The following SPTBN5 variants were observed in gnomAD, a reference collection of about 807,000 sequenced individuals.
The protein encoded by SPTBN5 is spectrin beta chain, non-erythrocytic 5.
A neutral mutation model predicts 477.6 loss-of-function variants in SPTBN5; 513 were observed. The ratio of observed to expected loss-of-function variants is 1.07; its 90% CI spans 1.00 to 1.16. The LOEUF (loss-of-function observed/expected upper bound fraction) is 1.16, where lower values mean the gene tolerates loss of function less well. Ranked by LOEUF, SPTBN5 falls within the 50% of genes most tolerant of loss-of-function variation. The pLI, the probability that SPTBN5 is intolerant of heterozygous loss-of-function variation, is 0.00. For synonymous variants in SPTBN5, 2,169 were observed against 2,011.7 expected, an observed-to-expected ratio of 1.08 and a Z score of -2.09; for missense variants, 5,062 against 4,731.8, an observed-to-expected ratio of 1.07 and a Z score of -2.05.
chr15:41,883,460 T>C lies in SPTBN5; in HGVS notation c.1547A>G (p.Gln516Arg), dbSNP rs1380909922. Residue 516 changes from glutamine (Q) to arginine (R), a missense_variant, in exon 8 of 68, where the codon CAG becomes CGG. Physicochemically the swap from Gln to Arg is conservative, Grantham distance 43. Coordinates refer to ENST00000320955, the MANE Select transcript of SPTBN5 (RefSeq NM_016642.4). ...RRQEEVTVRW[Q>R]RLLQHLQGQR... The stretch of plus-strand genomic sequence containing the variant: ...TCCCTGTAGATGCTGAAGGAGCCTC[T>C]GCCAGCGCACGGTAACTTCCTCCTG... The C allele has an allele frequency of 6.2e-7, 1 of 1,613,930 alleles. No individual in the cohort carries two copies. Among genetic ancestry groups the C allele is most frequent in the African/African-American group, 1.3e-5 (1 of 75,072 alleles).
chr15:41,884,327 C>G (rs928083537), intron 7 of SPTBN5, among the ~76,000 whole-genome samples: 34 of 152,018 alleles, frequency 2.2e-4, no homozygotes, highest in African/African-American at 7.7e-4. Flanking sequence ...ACCATGTTGG[C>G]CAGGATGGTC....
Position 41,856,620 on chromosome 15 carries a change from G to A in SPTBN5, c.8809-22C>T, listed in dbSNP as rs182590537. ...GGTTCTGCGGGGGAGGAGGCAGGAGGATGCGGATGTTGCTGACCCTTGGGG... is the reference window on the plus strand; with the variant it reads ...GGTTCTGCGGGGGAGGAGGCAGGAGAATGCGGATGTTGCTGACCCTTGGGG... On this transcript the variant is annotated intron_variant, in intron 52 of 67. Transcript: ENST00000320955. 9.7e-6 allele frequency: 15 copies of A among 1,552,256 alleles called. No individual in the cohort carries two copies. The African/African-American group carries it at 1.5e-4, about 15-fold the overall frequency.
intron 7 of SPTBN5, among the ~76,000 whole-genome samples, chr15:41,885,444 A>C (rs924765841): frequency 1.3e-5 from 2 of 152,198 alleles, no homozygotes; most frequent in African/African-American, 4.8e-5. Flanking sequence ...TTCTCTACTA[A>C]ATCTCCAGCA....
chr15:41,864,612 C>A (rs1350071008), intron 39 of SPTBN5, among the ~76,000 whole-genome samples: 5 of 152,328 alleles, frequency 3.3e-5, no homozygotes, highest in South Asian at 2.1e-4. Flanking sequence ...CTGTGCCCAG[C>A]CACAGAAACT....
intron 65 of SPTBN5, 48 bp from the exon 66 acceptor site, chr15:41,850,987 C>T (rs777620843): frequency 3.1e-6 from 5 of 1,587,840 alleles, no homozygotes; most frequent in East Asian, 4.6e-5. Flanking sequence ...TTTGGGGACC[C>T]CCACGCCTCC....
At chr15:41,887,520 G>A in intron 5 of SPTBN5, 79 bp from the exon 6 acceptor site, 13 of 1,096,070 alleles carry the variant, frequency 1.2e-5, no homozygotes, top group Non-Finnish European at 1.7e-5. Flanking sequence ...ATGCACTCAT[G>A]CTCCTATTGG....
rs1248695503 is a variant in SPTBN5 at position 41,879,358 on chromosome 15, T to C, written c.3084A>G (p.Pro1028=). The stretch of plus-strand genomic sequence containing the variant: ...CGTGGCAGGTGTCCTCTGAGCTCCC[T>C]GGCTGCAGGGCCTCCAGCTGGAGGA... ...DVLLQLEALQ[P]GSSEDTCHAL... Residue 1028 remains proline, a synonymous_variant, in exon 16 of 68, where the codon CCA becomes CCG. Coordinates refer to ENST00000320955, the MANE Select transcript of SPTBN5 (RefSeq NM_016642.4). 3.7e-6 allele frequency: 6 copies of C among 1,609,900 alleles called. No individual in the cohort carries two copies. The highest frequency in any genetic ancestry group is 4.2e-6 in the Non-Finnish European group (5 of 1,179,740).
chr15:41,863,135 T>G (rs1185928382), intron 41 of SPTBN5, among the ~76,000 whole-genome samples: 1 of 152,226 alleles, frequency 6.6e-6, no homozygotes, highest in Non-Finnish European at 1.5e-5. Flanking sequence ...GCTGCTTCCC[T>G]GTACAGTCTC....
At chr15:41,879,670 G>A in intron 15 of SPTBN5, 64 bp downstream of exon 15, 1 of 1,589,914 alleles carries the variant, frequency 6.3e-7, no homozygotes, top group Non-Finnish European at 8.5e-7. Flanking sequence ...AGGCAGGTGA[G>A]TCAGGCCCAG....
chr15:41,848,780 C>T (rs1054998213), intron 67 of SPTBN5, among the ~76,000 whole-genome samples, 152 bp from the exon 68 acceptor site: 2 of 152,216 alleles, frequency 1.3e-5, no homozygotes, highest in African/African-American at 4.8e-5. Context: ...ACAGGCGCTG[C>T]AGCAGCGACC....
intron 17 of SPTBN5, among the ~76,000 whole-genome samples, chr15:41,877,900 A>G (rs1226266442): frequency 6.6e-6 from 1 of 152,198 alleles, no homozygotes; most frequent in Non-Finnish European, 1.5e-5. Context: ...CTGCCAGCCC[A>G]TAACGTCATC....
chr15:41,876,098 G>A lies in SPTBN5; in HGVS notation c.4122+16C>T, dbSNP rs763528656. The A allele has an allele frequency of 3.8e-6, 6 of 1,591,268 alleles. No homozygotes were observed. The highest frequency in any genetic ancestry group is 8.5e-7 in the Non-Finnish European group (1 of 1,172,312). On this transcript the variant is annotated intron_variant, in intron 21 of 67. Coordinates refer to ENST00000320955, the MANE Select transcript of SPTBN5 (RefSeq NM_016642.4). ...AAGACAAGGAGGCTCTGCACCCTCT[G>A]TCCCGTGTCCCCCACCTGCTGCAGG...
chr15:41,852,226 G>A lies in SPTBN5; in HGVS notation c.10540C>T (p.His3514Tyr), dbSNP rs1425997327. The change falls in exon 62 of 68, where the codon CAC becomes TAC. Residue 3514 changes from histidine to tyrosine, a missense_variant. Coordinates refer to ENST00000320955, the MANE Select transcript of SPTBN5 (RefSeq NM_016642.4). ...GCCAGCTGTGCTCCTAGCCCCTGGT[G>A]TCCAGAGGGCCTCCACTGAAAGGAT... is the stretch of plus-strand genomic sequence containing the variant. ...LTSFQWRPSG[H>Y]QGLGAQLAET... 2 of 1,610,526 alleles carry A rather than the reference G, an allele frequency of 1.2e-6. No individual in the cohort carries two copies. Among genetic ancestry groups the A allele is most frequent in the South Asian group, 1.1e-5 (1 of 90,812 alleles).
rs770880145 is a variant in SPTBN5 at position 41,853,596 on chromosome 15, G to A, written c.9966C>T (p.Arg3322=). Residue 3322 remains arginine, a synonymous_variant, in exon 58 of 68, where the codon CGC becomes CGT. Coordinates refer to ENST00000320955, the MANE Select transcript of SPTBN5 (RefSeq NM_016642.4). ...QAAQGHAFLG[R]CQELLAWAQE... is the part of the protein sequence containing the mutation. ...AGGACACCTACAGCAGTTCCTGGCA[G>A]CGCCCGAGGAAGGCATGGCCCTGTG... 3 of 1,575,912 alleles carry A rather than the reference G, an allele frequency of 1.9e-6. No individual in the cohort carries two copies. The highest frequency in any genetic ancestry group is 2.6e-6 in the Non-Finnish European group (3 of 1,158,330).
In SPTBN5 at chr15:41,855,262, C is replaced by T. The variant is rs61731599; in HGVS notation, c.9385G>A (p.Glu3129Lys). The T allele has an allele frequency of 1.1e-4, 175 of 1,612,456 alleles. No individual in the cohort carries two copies. Among genetic ancestry groups the T allele is most frequent in the Middle Eastern group, 1.7e-4 (1 of 6,056 alleles). The change falls in exon 55 of 68, where the codon GAG becomes AAG. Residue 3129 changes from glutamate (E) to lysine (K), a missense_variant. Transcript: ENST00000320955. Reference sequence around the variant, plus strand: ...AGGTCCTGCCCGTAGTCCTGGGACTCGGCGGTGGCCGCCTTGGTGGTCAGC... The same window carrying T: ...AGGTCCTGCCCGTAGTCCTGGGACTTGGCGGTGGCCGCCTTGGTGGTCAGC... ...AWLTTKAATA[E>K]SQDYGQDLEG...
At chr15:41,872,227 G>A in intron 27 of SPTBN5, 75 bp downstream of exon 27, 2 of 1,522,742 alleles carry the variant, frequency 1.3e-6, no homozygotes, top group Non-Finnish European at 1.8e-6. Flanking sequence ...ATTGACTTTG[G>A]GCCATGGCAT....
rs758878045 is a variant in SPTBN5, at chr15:41,852,776, G to GGGC, written c.10348-42_10348-41insGCC. The GGGC allele has an allele frequency of 1.1e-5, 18 of 1,610,864 alleles. No individual in the cohort carries two copies. The Middle Eastern group carries it at 1.5e-3, about 133-fold the overall frequency. ...TTCAGGTGACGCCCAGCTTGGGGGG[G>GGGC]GGGGCCCAGAGCCTGGTAGCCAGCT... is the stretch of plus-strand genomic sequence containing the variant. On this transcript the variant is annotated intron_variant, in intron 60 of 67. Coordinates refer to ENST00000320955, the MANE Select transcript of SPTBN5 (RefSeq NM_016642.4).
intron 6 of SPTBN5, 31 bp downstream of exon 6, chr15:41,887,182 T>G: frequency 6.5e-7 from 1 of 1,544,554 alleles, no homozygotes; most frequent in Non-Finnish European, 8.8e-7. Context: ...TCTGGAGCCC[T>G]TGCTCACCCC....
At chr15:41,874,078 TTAAC>T in intron 24 of SPTBN5, 33 bp from the exon 25 acceptor site, 19 of 1,562,274 alleles carry the variant, frequency 1.2e-5, no homozygotes, top group Non-Finnish European at 1.6e-5. Flanking sequence ...GCTGCTGCTC[TTAAC>T]CCAGGGGCGT....
Sources: allele counts gnomAD v4.1 joint callset (sites outside exome capture counted in the v4.1 genomes callset), GRCh38; gene constraint gnomAD v4.1.1; transcripts MANE v1.5; gene names NCBI Gene and HGNC (gene_info 2026-07-23, HGNC 2026-07-21).